DOCK8: variants seen among roughly 807,000 people sequenced by gnomAD.
DOCK8 encodes the protein dedicator of cytokinesis 8.
A neutral mutation model predicts 245.6 loss-of-function variants in DOCK8; 141 were observed. That is an observed-to-expected ratio of 0.57 (90% CI 0.50 to 0.66). DOCK8 has a LOEUF of 0.66. DOCK8 is among the 30% of genes least tolerant of loss of function. The pLI is 0.00. For missense variants in DOCK8, 2,965 were observed against 2,603.4 expected, an observed-to-expected ratio of 1.14 and a Z score of -3.02; for synonymous variants, 1,168 against 970.2, an observed-to-expected ratio of 1.20 and a Z score of -3.79.
At chr9:324,521 A>G (rs1039090654) in intron 7 of DOCK8, among the ~76,000 whole-genome samples, 1 of 152,124 alleles carries the variant, frequency 6.6e-6, no homozygotes, top group African/African-American at 2.4e-5. Flanking sequence ...CACCAGGATT[A>G]TGCTTTGGGA....
chr9:442,180 T>C (rs1267524937), intron 42 of DOCK8, among the ~76,000 whole-genome samples, 171 bp downstream of exon 42: 1 of 152,240 alleles, frequency 6.6e-6, no homozygotes, highest in Non-Finnish European at 1.5e-5. Flanking sequence ...TTAGGTGAGA[T>C]CATGAGGTGA....
rs530151791 is a variant in DOCK8, at chr9:310,871, CT to C, written c.529-1080del. Among the ~76,000 whole-genome samples, 1,149 of 152,290 alleles carry C rather than the reference CT, an allele frequency of 7.5e-3. 19 individuals are homozygous for C. The highest frequency in any genetic ancestry group is 0.027 in the African/African-American group (1,108 of 41,550). On this transcript the variant is annotated intron_variant, in intron 5 of 47. Coordinates refer to ENST00000432829, the MANE Select transcript of DOCK8 (RefSeq NM_203447.4). The stretch of plus-strand genomic sequence containing the variant: ...TCATCTGGGCCTGTGACATTCACAC[CT>C]TTGTGATGTTCATCCCCGACTGTGG...
At chr9:379,982 C>T (rs778529005) in intron 21 of DOCK8, 47 bp downstream of exon 21, 7 of 1,590,138 alleles carry the variant, frequency 4.4e-6, no homozygotes. Context: ...GGCAACACCA[C>T]CTCCACCCCA....
Position 291,887 on chromosome 9 carries a change from A to T in DOCK8, c.404+2306A>T, listed in dbSNP as rs540972429. Among the ~76,000 whole-genome samples, 783 of 150,790 alleles carry T rather than the reference A, an allele frequency of 5.2e-3. 9 individuals carry two copies. Among genetic ancestry groups the T allele is most frequent in the African/African-American group, 0.018 (753 of 41,174 alleles). ...TTCAAGACCAGCCTAGGCAATATAC[A>T]GAGACCCCACCTCTAAAAAAATTTT... On this transcript the variant is annotated intron_variant, in intron 4 of 47. Transcript: ENST00000432829.
chr9:270,127 G>A (rs1201015664), intron 1 of DOCK8, among the ~76,000 whole-genome samples: 3 of 152,102 alleles, frequency 2.0e-5, no homozygotes, highest in South Asian at 2.1e-4. Context: ...TTTCCCTCAC[G>A]GCTAGTAGAA....
At chr9:342,247 T>G (rs17270087) in intron 14 of DOCK8, among the ~76,000 whole-genome samples, 8,999 of 151,640 alleles carry the variant, frequency 0.059, 927 homozygotes, top group African/African-American at 0.21. Flanking sequence ...CTAGGTGTTA[T>G]ATTACACTTT....
intron 14 of DOCK8, among the ~76,000 whole-genome samples, chr9:347,057 C>T (rs902255993): frequency 2.0e-5 from 3 of 152,068 alleles, no homozygotes; most frequent in East Asian, 1.9e-4. Flanking sequence ...AGTAAGTGTC[C>T]AGCCCCACCC....
intron 21 of DOCK8, 93 bp from the exon 22 acceptor site, chr9:382,420 T>C: frequency 6.4e-7 from 1 of 1,556,370 alleles, no homozygotes; most frequent in Non-Finnish European, 8.8e-7. Context: ...CGGTGGCTTT[T>C]CATCCACCCT....
chr9:275,932 C>G (rs1586570034), intron 2 of DOCK8, among the ~76,000 whole-genome samples: 1 of 150,944 alleles, frequency 6.6e-6, no homozygotes, highest in Non-Finnish European at 1.5e-5. Flanking sequence ...CCTCTGTCAC[C>G]CAGGCTGGAG....
chr9:226,704 C>T (rs1378679591), intron 1 of DOCK8, among the ~76,000 whole-genome samples: 2 of 152,048 alleles, frequency 1.3e-5, no homozygotes, highest in East Asian at 1.9e-4. Context: ...GGAGGAGAAG[C>T]AGGCTTTTAG....
At chr9:291,459 A>G (rs1360019241) in intron 4 of DOCK8, among the ~76,000 whole-genome samples, 1 of 152,238 alleles carries the variant, frequency 6.6e-6, no homozygotes, top group African/African-American at 2.4e-5. Context: ...AAACTAAATA[A>G]GATTATAATA....
intron 1 of DOCK8, among the ~76,000 whole-genome samples, chr9:258,723 G>A (rs1341134499): frequency 9.4e-5 from 14 of 148,664 alleles, no homozygotes; most frequent in African/African-American, 2.7e-4. Context: ...TCAGCCTCCC[G>A]AGTATCTGGG....
chr9:452,301 A>G (rs1405327671), intron 46 of DOCK8, among the ~76,000 whole-genome samples, 184 bp downstream of exon 46: 4 of 152,150 alleles, frequency 2.6e-5, no homozygotes, highest in African/African-American at 7.2e-5. Flanking sequence ...CCCGCCCTCC[A>G]GGTGATCCTG....
intron 5 of DOCK8, among the ~76,000 whole-genome samples, chr9:309,525 T>C (rs2130663396): frequency 6.6e-6 from 1 of 152,356 alleles, no homozygotes; most frequent in Admixed American, 6.5e-5. Context: ...TATACATTTT[T>C]TGCTGAGTCT....
At chr9:306,236 C>A (rs961171072) in intron 5 of DOCK8, among the ~76,000 whole-genome samples, 2 of 152,134 alleles carry the variant, frequency 1.3e-5, no homozygotes, top group Non-Finnish European at 2.9e-5. Context: ...ATTTTTCAGA[C>A]AAGGTGGTCC....
chr9:443,560 C>G (rs766122193), intron 43 of DOCK8, 44 bp downstream of exon 43: 6 of 1,468,726 alleles, frequency 4.1e-6, no homozygotes, highest in Middle Eastern at 1.7e-4. Flanking sequence ...CTCTAAATCC[C>G]TTCGTTCTCT....
chr9:421,516 T>C (rs558390974), intron 32 of DOCK8, among the ~76,000 whole-genome samples: 1 of 152,316 alleles, frequency 6.6e-6, no homozygotes, highest in South Asian at 2.1e-4. Context: ...ACCAGTTCCC[T>C]GAAATGGCTT....
intron 5 of DOCK8, among the ~76,000 whole-genome samples, chr9:311,334 G>A (rs1586669602): frequency 6.7e-6 from 1 of 150,124 alleles, no homozygotes; most frequent in Non-Finnish European, 1.5e-5. Context: ...TGAACTCCTG[G>A]GCGGGGTTCA....
chr9:293,140 T>G (rs1299295725), intron 4 of DOCK8, among the ~76,000 whole-genome samples: 1 of 152,190 alleles, frequency 6.6e-6, no homozygotes, highest in Non-Finnish European at 1.5e-5. Flanking sequence ...CAGGGAGAAG[T>G]GTACAACTTC....
Sources: allele counts gnomAD v4.1 joint callset (sites outside exome capture counted in the v4.1 genomes callset), GRCh38; gene constraint gnomAD v4.1.1; transcripts MANE v1.5; gene names NCBI Gene and HGNC (gene_info 2026-07-23, HGNC 2026-07-21).